Variants in RIMS2 observed in about 807,000 individuals in gnomAD.
RIMS2 encodes the protein regulating synaptic membrane exocytosis protein 2.
A neutral mutation model predicts 174.4 loss-of-function variants in RIMS2; 59 were observed. The ratio of observed to expected loss-of-function variants is 0.34; its 90% CI spans 0.27 to 0.42. The LOEUF (loss-of-function observed/expected upper bound fraction) is 0.42. Among genes scored for constraint, RIMS2 ranks in the 10% least tolerant of loss-of-function variants. RIMS2 has a pLI of 1.00. For synonymous variants in RIMS2, 606 were observed against 572.5 expected, an observed-to-expected ratio of 1.06 and a Z score of -0.84; for missense variants, 1,620 against 1,666.3, an observed-to-expected ratio of 0.97 and a Z score of 0.48.
chr8:103,546,910 A>T (rs1845384390), intron 1 of RIMS2, among the ~76,000 whole-genome samples: 1 of 152,184 alleles, frequency 6.6e-6, no homozygotes, highest in African/African-American at 2.4e-5. Flanking sequence ...GCTTTGGCAA[A>T]CAAGGTACAT....
At chr8:103,511,051 T>C (rs1340598378) in intron 1 of RIMS2, among the ~76,000 whole-genome samples, 1 of 152,212 alleles carries the variant, frequency 6.6e-6, no homozygotes, top group East Asian at 1.9e-4. Flanking sequence ...ACTATATATG[T>C]TGTACTATAG....
intron 14 of RIMS2, among the ~76,000 whole-genome samples, chr8:103,959,444 A>G (rs1744394598): frequency 6.6e-6 from 1 of 150,526 alleles, no homozygotes; most frequent in African/African-American, 2.5e-5. Context: ...TTTTTTTGAG[A>G]TGGAATCGCA....
At position 104,188,815 on chromosome 8, in the gene RIMS2, C is replaced by A. The variant is rs78189673; in HGVS notation, c.3335-56101C>A. Among the ~76,000 whole-genome samples, 809 of 151,880 alleles carry A rather than the reference C, an allele frequency of 5.3e-3. 4 individuals carry two copies. The highest frequency in any genetic ancestry group is 0.018 in the African/African-American group (745 of 41,470). On this transcript the variant is annotated intron_variant, in intron 19 of 23. Transcript: ENST00000504942. ...ACTAGACTCTTCAGTATTTTCCAGG[C>A]TTTCTATGATAAACATATATTACTT...
chr8:104,115,766 TGG>T (rs1463881714), intron 19 of RIMS2, among the ~76,000 whole-genome samples: 1 of 152,132 alleles, frequency 6.6e-6, no homozygotes, highest in East Asian at 1.9e-4. Flanking sequence ...TTGGGAATGG[TGG>T]TGAGCTGGAG....
At chr8:103,715,523 G>T (rs920089237) in intron 2 of RIMS2, among the ~76,000 whole-genome samples, 1 of 151,964 alleles carries the variant, frequency 6.6e-6, no homozygotes, top group Non-Finnish European at 1.5e-5. Flanking sequence ...ACATGATTTT[G>T]GTTTTAATTA....
At chr8:104,082,219 AAAAGGAAAAAGAGAATT>A (rs1414450899) in intron 19 of RIMS2, among the ~76,000 whole-genome samples, 1 of 152,188 alleles carries the variant, frequency 6.6e-6, no homozygotes, top group East Asian at 1.9e-4. Context: ...GGGAAAAAAG[AAAAGGAAAAAGAGAATT>A]AAAGGAAGGA....
chr8:104,082,633 G>A (rs1054538870), intron 19 of RIMS2, among the ~76,000 whole-genome samples: 7 of 152,034 alleles, frequency 4.6e-5, no homozygotes, highest in African/African-American at 9.7e-5. Flanking sequence ...CAAGATTGTG[G>A]AGAACTTTGA....
chr8:103,503,750 A>C (rs1821829347), intron 1 of RIMS2, among the ~76,000 whole-genome samples: 1 of 152,014 alleles, frequency 6.6e-6, no homozygotes, highest in Admixed American at 6.5e-5. Flanking sequence ...GAGAGAAAGA[A>C]GGAATTTGAA....
chr8:103,571,513 C>T (rs1207560708), intron 1 of RIMS2, among the ~76,000 whole-genome samples: 1 of 151,816 alleles, frequency 6.6e-6, no homozygotes, highest in Non-Finnish European at 1.5e-5. Flanking sequence ...TAATGAAAAC[C>T]TAATTGTTTG....
intron 16 of RIMS2, among the ~76,000 whole-genome samples, chr8:103,983,068 A>G (rs1467683290): frequency 1.3e-5 from 2 of 152,248 alleles, no homozygotes; most frequent in Non-Finnish European, 2.9e-5. Context: ...CATGATCAAC[A>G]TAAAAAATCA....
intron 19 of RIMS2, among the ~76,000 whole-genome samples, chr8:104,211,638 C>G (rs934688198): frequency 6.6e-6 from 1 of 151,230 alleles, no homozygotes; most frequent in Non-Finnish European, 1.5e-5. Flanking sequence ...AATCTTGGCT[C>G]ACTGCAACCT....
intron 19 of RIMS2, among the ~76,000 whole-genome samples, chr8:104,037,702 T>C (rs1404427228): frequency 1.3e-5 from 2 of 152,144 alleles, no homozygotes; most frequent in Non-Finnish European, 1.5e-5. Flanking sequence ...AATTCTTAGT[T>C]TGCACAAAAT....
chr8:104,169,414 T>TTGC (rs1339804944), intron 19 of RIMS2, among the ~76,000 whole-genome samples: 2 of 150,008 alleles, frequency 1.3e-5, no homozygotes, highest in Non-Finnish European at 3.0e-5. Context: ...ACTAGGAGGG[T>TTGC]TGCATATTTC....
intron 16 of RIMS2, among the ~76,000 whole-genome samples, chr8:103,982,465 C>A (rs1332518924): frequency 2.2e-4 from 32 of 148,060 alleles, no homozygotes; most frequent in African/African-American, 7.0e-4. Flanking sequence ...AGACCAATAT[C>A]TCTAATGAAT....
chr8:104,062,144 G>A (rs1172276013), intron 19 of RIMS2, among the ~76,000 whole-genome samples: 2 of 151,956 alleles, frequency 1.3e-5, no homozygotes, highest in African/African-American at 4.8e-5. Flanking sequence ...AGTGGCTCTC[G>A]CCTGTAATCT....
chr8:104,134,599 A>G (rs2098503004), intron 19 of RIMS2, among the ~76,000 whole-genome samples: 1 of 152,238 alleles, frequency 6.6e-6, no homozygotes, highest in Non-Finnish European at 1.5e-5. Context: ...AAGCTGAACC[A>G]ATTGAGATGT....
At chr8:103,958,870 G>C (rs1016121990) in intron 14 of RIMS2, among the ~76,000 whole-genome samples, 2 of 152,186 alleles carry the variant, frequency 1.3e-5, no homozygotes, top group Non-Finnish European at 2.9e-5. Flanking sequence ...AGGAGCTAGT[G>C]AAAAAGTCTG....
chr8:104,121,634 T>G (rs533569191), intron 19 of RIMS2, among the ~76,000 whole-genome samples: 1 of 152,174 alleles, frequency 6.6e-6, no homozygotes, highest in African/African-American at 2.4e-5. Flanking sequence ...TTAATAAATA[T>G]CTTTTGAGTG....
intron 3 of RIMS2, chr8:103,768,171 T>G (rs943641709): frequency 2.9e-6 from 1 of 349,852 alleles, no homozygotes; most frequent in African/African-American, 2.1e-5. Context: ...ATGAAAAAAA[T>G]AGATAACCAG....
Sources: allele counts gnomAD v4.1 joint callset (sites outside exome capture counted in the v4.1 genomes callset), GRCh38; gene constraint gnomAD v4.1.1; transcripts MANE v1.5; gene names NCBI Gene and HGNC (gene_info 2026-07-23, HGNC 2026-07-21).